Variants in KCNH7 observed in about 807,000 individuals in gnomAD.
KCNH7 encodes the protein voltage-gated inwardly rectifying potassium channel KCNH7.
Under a neutral mutation model 120.8 loss-of-function variants are expected in KCNH7, and 49 were observed. The observed-to-expected ratio is 0.41, with a 90% confidence interval of 0.32 to 0.51. The LOEUF (loss-of-function observed/expected upper bound fraction) is 0.51, where lower values mean the gene tolerates loss of function less well. Among genes scored for constraint, KCNH7 ranks in the 20% least tolerant of loss-of-function variants. The pLI, the probability that KCNH7 is intolerant of heterozygous loss-of-function variation, is 0.38. For missense variants in KCNH7, 1,097 were observed against 1,446.6 expected, an observed-to-expected ratio of 0.76 and a Z score of 3.92; for synonymous variants, 547 against 516.1, an observed-to-expected ratio of 1.06 and a Z score of -0.81.
intron 2 of KCNH7, among the ~76,000 whole-genome samples, chr2:162,674,128 G>C (rs1158441422): frequency 1.3e-5 from 2 of 151,744 alleles, no homozygotes; most frequent in African/African-American, 4.8e-5. Flanking sequence ...TACAAGGAAG[G>C]TGGAAAGATA....
intron 2 of KCNH7, among the ~76,000 whole-genome samples, chr2:162,692,588 G>A (rs564753343): frequency 6.6e-6 from 1 of 152,132 alleles, no homozygotes; most frequent in South Asian, 2.1e-4. Context: ...TGACAACCCA[G>A]TAGGTAGAAA....
intron 2 of KCNH7, among the ~76,000 whole-genome samples, chr2:162,821,178 T>C (rs1177823848): frequency 2.6e-5 from 4 of 152,216 alleles, no homozygotes; most frequent in Non-Finnish European, 5.9e-5. Context: ...AAGATAAACA[T>C]CCTTTACAAA....
At chr2:162,484,723 G>T (rs964640051) in intron 6 of KCNH7, among the ~76,000 whole-genome samples, 1 of 152,116 alleles carries the variant, frequency 6.6e-6, no homozygotes, top group Non-Finnish European at 1.5e-5. Flanking sequence ...TGAATGGCCT[G>T]GTGCCAACCT....
intron 2 of KCNH7, among the ~76,000 whole-genome samples, chr2:162,791,995 G>C (rs1304564882): frequency 6.6e-6 from 1 of 151,822 alleles, no homozygotes; most frequent in Non-Finnish European, 1.5e-5. Context: ...TAACATGAAG[G>C]GGTGCTGAAT....
At chr2:162,473,153 T>C (rs1223481679) in intron 6 of KCNH7, among the ~76,000 whole-genome samples, 1 of 151,754 alleles carries the variant, frequency 6.6e-6, no homozygotes, top group Non-Finnish European at 1.5e-5. Context: ...CACACCAACA[T>C]GGCACACGTA....
chr2:162,594,854 T>C (rs1352037099), intron 2 of KCNH7, among the ~76,000 whole-genome samples: 1 of 152,148 alleles, frequency 6.6e-6, no homozygotes, highest in African/African-American at 2.4e-5. Context: ...TTGGTATCCA[T>C]GAGGGATTCC....
chr2:162,779,294 A>G (rs1178866036), intron 2 of KCNH7, among the ~76,000 whole-genome samples: 17 of 151,942 alleles, frequency 1.1e-4, no homozygotes, highest in Non-Finnish European at 1.2e-4. Context: ...TCCACCTCCC[A>G]GGTTCAAGTG....
rs561008971 is a variant in KCNH7 at position 162,691,136 on chromosome 2, C to A, written c.307+145401G>T. Among the ~76,000 whole-genome samples the A allele has an allele frequency of 2.2e-3, 339 of 152,204 alleles. 3 individuals carry two copies. Among genetic ancestry groups the A allele is most frequent in the South Asian group, 0.021 (99 of 4,812 alleles). Reference sequence around the variant, plus strand: ...GACATCTCTCCAAACAGGTATAGCTCTAAATATTACATTTGAGATTAAATG... The same window carrying A: ...GACATCTCTCCAAACAGGTATAGCTATAAATATTACATTTGAGATTAAATG... On this transcript the variant is annotated intron_variant, in intron 2 of 15. Transcript: ENST00000332142.
At chr2:162,833,709 C>T (rs11898091) in intron 2 of KCNH7, among the ~76,000 whole-genome samples, 91,246 of 151,916 alleles carry the variant, frequency 0.6, 28,394 homozygotes, top group South Asian at 0.84. Flanking sequence ...TTCAAAATGA[C>T]GATCATGCAG....
intron 2 of KCNH7, among the ~76,000 whole-genome samples, chr2:162,817,525 A>C (rs918989824): frequency 2.0e-5 from 3 of 152,126 alleles, no homozygotes; most frequent in Non-Finnish European, 4.4e-5. Flanking sequence ...ACCACTATAA[A>C]TATTTCATAT....
chr2:162,633,032 G>A (rs1683824187), intron 2 of KCNH7, among the ~76,000 whole-genome samples: 1 of 151,772 alleles, frequency 6.6e-6, no homozygotes, highest in Non-Finnish European at 1.5e-5. Flanking sequence ...GTCACAGAAA[G>A]TAACTGCCTT....
intron 3 of KCNH7, among the ~76,000 whole-genome samples, chr2:162,530,844 T>G (rs936752933): frequency 6.6e-6 from 1 of 151,916 alleles, no homozygotes; most frequent in Non-Finnish European, 1.5e-5. Flanking sequence ...TTGCCAAAGA[T>G]GAGAAAAAAT....
chr2:162,377,456 AG>A (rs1686244238), intron 14 of KCNH7, among the ~76,000 whole-genome samples: 1 of 152,310 alleles, frequency 6.6e-6, no homozygotes, highest in African/African-American at 2.4e-5. Flanking sequence ...TGAGAGGTAA[AG>A]GTGGAGATTT....
intron 2 of KCNH7, among the ~76,000 whole-genome samples, chr2:162,571,399 T>C (rs11692450): frequency 0.56 from 82,232 of 147,096 alleles, 23,525 homozygotes; most frequent in Admixed American, 0.67. Context: ...TAAAAGAGGA[T>C]ACAAACAAAT....
intron 6 of KCNH7, among the ~76,000 whole-genome samples, chr2:162,480,787 C>A (rs762767729): frequency 2.6e-5 from 4 of 152,026 alleles, no homozygotes; most frequent in African/African-American, 7.2e-5. Context: ...GAAAACTGGC[C>A]TGGGAGAATG....
chr2:162,788,626 G>A (rs772215984), intron 2 of KCNH7, among the ~76,000 whole-genome samples: 18 of 151,908 alleles, frequency 1.2e-4, no homozygotes, highest in Non-Finnish European at 2.2e-4. Context: ...GCAGGGCTAT[G>A]GGAGACCATC....
At chr2:162,408,847 C>T (rs1162445413) in intron 9 of KCNH7, among the ~76,000 whole-genome samples, 1 of 151,388 alleles carries the variant, frequency 6.6e-6, no homozygotes, top group African/African-American at 2.4e-5. Flanking sequence ...AAAAGGAGTG[C>T]TTAGAAATTA....
At chr2:162,655,928 G>T (rs1001066873) in intron 2 of KCNH7, among the ~76,000 whole-genome samples, 1 of 152,084 alleles carries the variant, frequency 6.6e-6, no homozygotes. Flanking sequence ...GACATCTCTA[G>T]TATACATCTC....
At chr2:162,768,392 CAGCATCGATCATCT>C (rs745564621) in intron 2 of KCNH7, among the ~76,000 whole-genome samples, 13 of 152,014 alleles carry the variant, frequency 8.6e-5, no homozygotes, top group Non-Finnish European at 1.6e-4. Context: ...AAAAACCCAA[CAGCATCGATCATCT>C]AGCATCATCC....
Sources: gnomAD v4.1 joint callset for allele counts (sites outside exome capture counted in the v4.1 genomes callset) on GRCh38, gnomAD v4.1.1 for gene constraint, MANE v1.5 for transcripts, NCBI Gene and HGNC (gene_info 2026-07-23, HGNC 2026-07-21) for gene names.